The following CCSER1 variants were observed in gnomAD, a reference collection of about 807,000 sequenced individuals.
CCSER1 encodes the protein coiled-coil serine rich protein 1, also known as serine-rich coiled-coil domain-containing protein 1.
Under a neutral mutation model 82.0 loss-of-function variants are expected in CCSER1, and 41 were observed. The ratio of observed to expected loss-of-function variants is 0.50; its 90% CI spans 0.39 to 0.65. The LOEUF is 0.65. Among genes scored for constraint, CCSER1 ranks in the 30% least tolerant of loss-of-function variants. The pLI is 0.00. For missense variants in CCSER1, 1,119 were observed against 1,064.2 expected, an observed-to-expected ratio of 1.05 and a Z score of -0.72; for synonymous variants, 414 against 383.9, an observed-to-expected ratio of 1.08 and a Z score of -0.92.
intron 1 of CCSER1, among the ~76,000 whole-genome samples, chr4:90,158,384 G>A (rs1728732841): frequency 6.6e-6 from 1 of 152,176 alleles, no homozygotes; most frequent in South Asian, 2.1e-4. Flanking sequence ...CTGCGTGCTG[G>A]GAGAACCACT....
intron 9 of CCSER1, among the ~76,000 whole-genome samples, chr4:90,998,881 C>T (rs1737746764): frequency 6.6e-6 from 1 of 152,134 alleles, no homozygotes; most frequent in Non-Finnish European, 1.5e-5. Flanking sequence ...TCTTGCCTCC[C>T]TCCCTCCCTC....
At chr4:90,773,224 G>T (rs1375519837) in intron 7 of CCSER1, among the ~76,000 whole-genome samples, 1 of 152,180 alleles carries the variant, frequency 6.6e-6, no homozygotes, top group East Asian at 1.9e-4. Flanking sequence ...TGGGAAACAA[G>T]AGCGAAACTC....
At chr4:91,482,501 G>A (rs2110048370) in intron 10 of CCSER1, among the ~76,000 whole-genome samples, 1 of 151,366 alleles carries the variant, frequency 6.6e-6, no homozygotes, top group East Asian at 1.9e-4. Context: ...TGGTTGGACT[G>A]TAAACTAGTT....
At chr4:90,872,555 A>G (rs1445879380) in intron 8 of CCSER1, among the ~76,000 whole-genome samples, 2 of 151,886 alleles carry the variant, frequency 1.3e-5, no homozygotes, top group Admixed American at 1.3e-4. Context: ...TTTTATTTAT[A>G]TCTTGCTATA....
At chr4:91,467,510 T>C (rs1206029235) in intron 10 of CCSER1, among the ~76,000 whole-genome samples, 2 of 152,214 alleles carry the variant, frequency 1.3e-5, no homozygotes, top group Middle Eastern at 6.8e-3. Context: ...TGGGATCTAA[T>C]TAAACTAAAG....
chr4:90,897,245 G>A (rs1042123464), intron 8 of CCSER1, among the ~76,000 whole-genome samples: 1 of 151,906 alleles, frequency 6.6e-6, no homozygotes, highest in African/African-American at 2.4e-5. Flanking sequence ...ATAGTGAAGA[G>A]AGTATCCAAT....
At chr4:91,154,535 C>T (rs1730604995) in intron 10 of CCSER1, among the ~76,000 whole-genome samples, 1 of 151,992 alleles carries the variant, frequency 6.6e-6, no homozygotes, top group African/African-American at 2.4e-5. Context: ...CTGTCCTGCA[C>T]CCACTGTCCA....
intron 1 of CCSER1, among the ~76,000 whole-genome samples, chr4:90,178,274 G>T (rs1733077408): frequency 6.6e-6 from 1 of 151,930 alleles, no homozygotes; most frequent in African/African-American, 2.4e-5. Flanking sequence ...GTTGCTTTTG[G>T]CTTTAAAATG....
At chr4:90,380,828 T>C (rs1418559673) in intron 3 of CCSER1, among the ~76,000 whole-genome samples, 1 of 152,236 alleles carries the variant, frequency 6.6e-6, no homozygotes, top group Non-Finnish European at 1.5e-5. Flanking sequence ...AATTAATAGT[T>C]AATTCATTTA....
intron 1 of CCSER1, among the ~76,000 whole-genome samples, chr4:90,156,359 G>A (rs1395270881): frequency 4.6e-5 from 7 of 152,182 alleles, no homozygotes. Context: ...GTTGATTTGG[G>A]GTGGAGAGGT....
In CCSER1 at chr4:90,661,915, A is replaced by AG. The variant is rs1158341594; in HGVS notation, c.1932+33683_1932+33684insG. ...TCCATTCTGCTTAAGAAAAAAAAAA[A>AG]ATTTATTTTAGGTCTGCTGTGTGAT... On this transcript the variant is annotated intron_variant, in intron 6 of 10. Coordinates refer to ENST00000509176, the MANE Select transcript of CCSER1 (RefSeq NM_001145065.2). Among the ~76,000 whole-genome samples the AG allele has an allele frequency of 6.0e-3, 905 of 150,698 alleles. 10 individuals carry two copies. The highest frequency in any genetic ancestry group is 0.021 in the African/African-American group (852 of 41,090).
At chr4:90,251,746 A>G (rs938255592) in intron 1 of CCSER1, among the ~76,000 whole-genome samples, 2 of 151,556 alleles carry the variant, frequency 1.3e-5, no homozygotes, top group East Asian at 1.9e-4. Context: ...CTTTTTAGGA[A>G]TTTCTCCATT....
intron 10 of CCSER1, among the ~76,000 whole-genome samples, chr4:91,354,548 A>G (rs2149304022): frequency 6.6e-6 from 1 of 152,340 alleles, no homozygotes; most frequent in Non-Finnish European, 1.5e-5. Flanking sequence ...TCCACCATGT[A>G]ACTGTTTTTG....
At chr4:90,293,325 T>G (rs1430884650) in intron 1 of CCSER1, among the ~76,000 whole-genome samples, 3 of 151,690 alleles carry the variant, frequency 2.0e-5, no homozygotes, top group Non-Finnish European at 4.4e-5. Context: ...CTCTGATTTT[T>G]ATTATTCTGT....
intron 9 of CCSER1, among the ~76,000 whole-genome samples, chr4:91,018,729 A>T (rs1739660601): frequency 6.7e-6 from 1 of 149,928 alleles, no homozygotes; most frequent in African/African-American, 2.5e-5. Flanking sequence ...CTCATGCTGA[A>T]CCCCCTCTGC....
intron 5 of CCSER1, among the ~76,000 whole-genome samples, chr4:90,555,334 G>A (rs1277592802): frequency 1.3e-5 from 2 of 151,794 alleles, no homozygotes; most frequent in Non-Finnish European, 2.9e-5. Context: ...TTTGGCAAAC[G>A]GTAACTTACT....
intron 10 of CCSER1, among the ~76,000 whole-genome samples, chr4:91,552,166 A>G (rs1298039498): frequency 2.6e-5 from 4 of 151,812 alleles, no homozygotes; most frequent in African/African-American, 7.3e-5. Flanking sequence ...TCAAATTTGC[A>G]TAGACAAGAG....
chr4:90,529,239 G>C (rs1026008086), intron 5 of CCSER1, among the ~76,000 whole-genome samples: 7 of 151,806 alleles, frequency 4.6e-5, no homozygotes, highest in Non-Finnish European at 2.9e-5. Flanking sequence ...TTTTGCGAGT[G>C]AGTCTCACTC....
chr4:91,555,957 G>A (rs751701820), intron 10 of CCSER1, among the ~76,000 whole-genome samples: 10 of 151,086 alleles, frequency 6.6e-5, no homozygotes, highest in Non-Finnish European at 8.9e-5. Flanking sequence ...GAAATGAAAC[G>A]GTCAAACCCT....
Sources: allele counts gnomAD v4.1 joint callset (sites outside exome capture counted in the v4.1 genomes callset), GRCh38; gene constraint gnomAD v4.1.1; transcripts MANE v1.5; gene names NCBI Gene and HGNC (gene_info 2026-07-23, HGNC 2026-07-21).